The following SEMA3D variants were observed in gnomAD, a reference collection of about 807,000 sequenced individuals.
SEMA3D encodes the protein semaphorin 3D, also known as semaphorin-3D.
SEMA3D carries 84 observed loss-of-function variants against 100.1 expected under a neutral mutation model. The ratio of observed to expected loss-of-function variants is 0.84; its 90% confidence interval spans 0.70 to 1.01. SEMA3D has a LOEUF of 1.01. SEMA3D is among the 50% of genes least tolerant of loss of function. The pLI, the probability that SEMA3D is intolerant of heterozygous loss-of-function variation, is 0.00. For synonymous variants in SEMA3D, 312 were observed against 320.7 expected (o/e 0.97, Z 0.29); for missense variants, 875 against 934.1 (o/e 0.94, Z 0.82).
At chr7:85,059,827 G>C (rs1414715094) in intron 8 of SEMA3D, among the ~76,000 whole-genome samples, 1 of 152,098 alleles carries the variant, frequency 6.6e-6, no homozygotes, top group East Asian at 1.9e-4. Flanking sequence ...GATAAAAGAA[G>C]TGTAAAAGGG....
At chr7:85,166,678 C>T (rs1011989091) in intron 1 of SEMA3D, among the ~76,000 whole-genome samples, 18 of 151,956 alleles carry the variant, frequency 1.2e-4, no homozygotes, top group African/African-American at 4.1e-4. Flanking sequence ...GGGATGGGAA[C>T]CCAGGTGGGA....
chr7:85,215,388 T>A, the SEMA3D span, among the ~76,000 whole-genome samples: 1 of 152,184 alleles, frequency 6.6e-6, no homozygotes, highest in African/African-American at 2.4e-5. Context: ...TCTCTTAGTA[T>A]GACAGAGCTA....
intron 7 of SEMA3D, among the ~76,000 whole-genome samples, chr7:85,067,405 C>T (rs1173864777): frequency 6.6e-6 from 1 of 152,136 alleles, no homozygotes; most frequent in Non-Finnish European, 1.5e-5. Context: ...TCAAAAAACA[C>T]AAATACACAC....
the SEMA3D span, among the ~76,000 whole-genome samples, chr7:85,242,019 A>G: frequency 2.6e-5 from 4 of 152,052 alleles, no homozygotes; most frequent in Admixed American, 1.3e-4. Flanking sequence ...TTCCTCAAAA[A>G]CTAAAAATAG....
At chr7:85,072,643 A>G (rs753373821) in intron 6 of SEMA3D, among the ~76,000 whole-genome samples, 7 of 152,228 alleles carry the variant, frequency 4.6e-5, no homozygotes, top group Non-Finnish European at 1.0e-4. Context: ...TATTTGGTAG[A>G]TCAAGTATAT....
intron 4 of SEMA3D, among the ~76,000 whole-genome samples, chr7:85,089,055 T>C (rs575562873): frequency 2.0e-5 from 3 of 152,166 alleles, no homozygotes; most frequent in Non-Finnish European, 4.4e-5. Flanking sequence ...ATCAATTAAA[T>C]GCAGTGCAAT....
intron 2 of SEMA3D, among the ~76,000 whole-genome samples, chr7:85,136,930 C>A (rs1789882248): frequency 6.6e-6 from 1 of 152,000 alleles, no homozygotes; most frequent in South Asian, 2.1e-4. Flanking sequence ...ATTCAATTAG[C>A]CACTCAGGGT....
intron 6 of SEMA3D, among the ~76,000 whole-genome samples, chr7:85,071,086 G>A (rs1791759800): frequency 6.6e-6 from 1 of 152,154 alleles, no homozygotes; most frequent in African/African-American, 2.4e-5. Context: ...CTTTTAAGGA[G>A]CTATAAAACA....
intron 6 of SEMA3D, among the ~76,000 whole-genome samples, chr7:85,068,624 T>C (rs1583890912): frequency 6.6e-6 from 1 of 152,180 alleles, no homozygotes; most frequent in Non-Finnish European, 1.5e-5. Context: ...GACTAACTTA[T>C]TGAGCCTAAT....
chr7:85,113,105 C>A (rs1789137517), intron 3 of SEMA3D, among the ~76,000 whole-genome samples: 1 of 152,110 alleles, frequency 6.6e-6, no homozygotes, highest in African/African-American at 2.4e-5. Context: ...ATAGAAAATA[C>A]ATTATTGTGC....
the SEMA3D span, among the ~76,000 whole-genome samples, chr7:85,192,236 T>C: frequency 2.0e-5 from 3 of 152,034 alleles, no homozygotes; most frequent in Non-Finnish European, 4.4e-5. Context: ...GGGAACAGTT[T>C]CTGATCAAGA....
upstream of SEMA3D, among the ~76,000 whole-genome samples, chr7:85,188,529 G>A (rs1791623850): frequency 6.6e-6 from 1 of 152,012 alleles, no homozygotes; most frequent in South Asian, 2.1e-4. Flanking sequence ...ATTTGTATAT[G>A]TCATTGCACT....
rs77633637 is a variant in SEMA3D, at chr7:85,069,889, T to G, written c.496-1605A>C. On this transcript the variant is annotated intron_variant, in intron 6 of 18. Transcript: ENST00000284136. The stretch of plus-strand genomic sequence containing the variant: ...ATACAAATATTATTTTATAGAAATA[T>G]GTAAAATATACATATTGTGTACATC... Among the ~76,000 whole-genome samples the G allele has an allele frequency of 2.6e-3, 400 of 152,322 alleles. 1 individual carries two copies. The highest frequency in any genetic ancestry group is 4.1e-3 in the Non-Finnish European group (277 of 68,020).
chr7:85,144,493 A>T (rs1044428533), intron 2 of SEMA3D: 1 of 977,130 alleles, frequency 1.0e-6, no homozygotes, highest in African/African-American at 1.8e-5. Flanking sequence ...GAGGGGAAAG[A>T]TTCTCAGAAT....
At chr7:85,043,722 C>T (rs1299629837) in intron 9 of SEMA3D, among the ~76,000 whole-genome samples, 2 of 152,030 alleles carry the variant, frequency 1.3e-5, no homozygotes, top group African/African-American at 4.8e-5. Context: ...GAATGGGTCT[C>T]ACGAGATCTG....
intron 7 of SEMA3D, among the ~76,000 whole-genome samples, chr7:85,066,568 T>C (rs982976502): frequency 1.3e-5 from 2 of 151,970 alleles, no homozygotes; most frequent in African/African-American, 2.4e-5. Flanking sequence ...TGTTGTCTCT[T>C]TGAGAGCTAA....
At chr7:85,171,678 T>G (rs1791086870) in intron 1 of SEMA3D, among the ~76,000 whole-genome samples, 1 of 151,912 alleles carries the variant, frequency 6.6e-6, no homozygotes, top group African/African-American at 2.4e-5. Flanking sequence ...CACAAAATAA[T>G]TAAAAATTAA....
At chr7:85,136,314 G>T (rs762739310) in intron 2 of SEMA3D, among the ~76,000 whole-genome samples, 1 of 152,060 alleles carries the variant, frequency 6.6e-6, no homozygotes, top group Non-Finnish European at 1.5e-5. Flanking sequence ...ATAAAATCAA[G>T]ATTTCTCCTT....
intron 2 of SEMA3D, among the ~76,000 whole-genome samples, chr7:85,128,736 A>T (rs927962621): frequency 6.6e-6 from 1 of 151,786 alleles, no homozygotes; most frequent in Admixed American, 6.6e-5. Flanking sequence ...TAAAAAATTG[A>T]TTATTCATAA....
Sources: gnomAD v4.1 joint callset for allele counts (sites outside exome capture counted in the v4.1 genomes callset) on GRCh38, gnomAD v4.1.1 for gene constraint, MANE v1.5 for transcripts, NCBI Gene and HGNC (gene_info 2026-07-23, HGNC 2026-07-21) for gene names.